The following GFRAL variants were observed in gnomAD, a reference collection of about 807,000 sequenced individuals.
The protein encoded by GFRAL is GDNF family receptor alpha-like.
In GFRAL, 36 loss-of-function variants were observed where a neutral mutation model predicts 45.4. The ratio of observed to expected loss-of-function variants is 0.79; its 90% confidence interval spans 0.61 to 1.05. The LOEUF (loss-of-function observed/expected upper bound fraction) is 1.05, where lower values mean the gene tolerates loss of function less well. GFRAL is among the 50% of genes least tolerant of loss of function. The pLI is 0.00. For synonymous variants in GFRAL, 166 were observed against 154.1 expected (o/e 1.08, Z -0.57); for missense variants, 507 against 467.5 (o/e 1.08, Z -0.78).
intron 6 of GFRAL, among the ~76,000 whole-genome samples, chr6:55,374,994 A>AT (rs1768504591): frequency 6.6e-6 from 1 of 151,962 alleles, no homozygotes. Flanking sequence ...GTATGTTCTT[A>AT]TACCAGTATC....
At chr6:55,371,616 T>C (rs1241151569) in intron 6 of GFRAL, among the ~76,000 whole-genome samples, 2 of 152,224 alleles carry the variant, frequency 1.3e-5, no homozygotes, top group African/African-American at 2.4e-5. Context: ...ATAAAGAAGT[T>C]ATCTTCTATT....
chr6:55,384,121 G>T (rs1229780208), intron 6 of GFRAL, among the ~76,000 whole-genome samples: 1 of 151,926 alleles, frequency 6.6e-6, no homozygotes, highest in East Asian at 1.9e-4. Flanking sequence ...GGGGCCTGTT[G>T]GGGGGTTGGG....
chr6:55,366,122 G>C (rs890815353), intron 6 of GFRAL, among the ~76,000 whole-genome samples: 3 of 151,924 alleles, frequency 2.0e-5, no homozygotes, highest in African/African-American at 7.3e-5. Flanking sequence ...TTCAGCTCCT[G>C]TTATTGGTCT....
intron 5 of GFRAL, among the ~76,000 whole-genome samples, chr6:55,356,558 C>A (rs985517982): frequency 6.6e-6 from 1 of 151,806 alleles, no homozygotes; most frequent in African/African-American, 2.4e-5. Flanking sequence ...TGTAATATTT[C>A]CTTTTTAATC....
intron 6 of GFRAL, among the ~76,000 whole-genome samples, chr6:55,369,684 T>C (rs1220379443): frequency 2.0e-5 from 1 of 49,332 alleles, no homozygotes; most frequent in African/African-American, 8.2e-5. Flanking sequence ...TTTTTAAATT[T>C]GGTAGACACT....
chr6:55,384,481 A>G (rs185424321), intron 6 of GFRAL, among the ~76,000 whole-genome samples: 9 of 152,168 alleles, frequency 5.9e-5, no homozygotes, highest in African/African-American at 2.4e-5. Context: ...TACTGTTTAC[A>G]TTTGATAACA....
chr6:55,400,531 A>G (rs1217854740), intron 8 of GFRAL, among the ~76,000 whole-genome samples: 4 of 152,166 alleles, frequency 2.6e-5, no homozygotes, highest in African/African-American at 9.6e-5. Flanking sequence ...GTACATACGG[A>G]CATCCTAATT....
chr6:55,387,120 A>C (rs1768690117), intron 6 of GFRAL, among the ~76,000 whole-genome samples: 2 of 152,194 alleles, frequency 1.3e-5, no homozygotes, highest in South Asian at 4.1e-4. Context: ...AAGATTAAAG[A>C]GTTGCCATTG....
intron 2 of GFRAL, among the ~76,000 whole-genome samples, chr6:55,333,509 C>T (rs915518759): frequency 1.3e-5 from 2 of 151,972 alleles, no homozygotes; most frequent in African/African-American, 4.8e-5. Context: ...TAAGAGTAGC[C>T]TTATTTTTAC....
At chr6:55,385,529 G>T (rs1376745031) in intron 6 of GFRAL, among the ~76,000 whole-genome samples, 1 of 151,950 alleles carries the variant, frequency 6.6e-6, no homozygotes, top group Non-Finnish European at 1.5e-5. Flanking sequence ...AGAAAACAGA[G>T]GCGACTAAAA....
chr6:55,369,121 C>T (rs985880890), intron 6 of GFRAL, among the ~76,000 whole-genome samples: 55 of 151,562 alleles, frequency 3.6e-4, no homozygotes, highest in African/African-American at 1.1e-3. Context: ...CCCTCCGAGC[C>T]AGGTGCTGGA....
At chr6:55,374,417 T>G (rs558849287) in intron 6 of GFRAL, among the ~76,000 whole-genome samples, 12 of 152,316 alleles carry the variant, frequency 7.9e-5, no homozygotes, top group Admixed American at 2.0e-4. Context: ...GTTGGCCACA[T>G]GAATGTCTTC....
chr6:55,339,241 G>A (rs924398019), intron 3 of GFRAL, among the ~76,000 whole-genome samples: 1 of 152,150 alleles, frequency 6.6e-6, no homozygotes, highest in Non-Finnish European at 1.5e-5. Flanking sequence ...ATGAAAAATT[G>A]TACAGGACTG....
chr6:55,398,734 T>C (rs4715541), intron 6 of GFRAL, among the ~76,000 whole-genome samples: 103,946 of 151,906 alleles, frequency 0.68, 35,965 homozygotes, highest in East Asian at 0.78. Flanking sequence ...CAGGAGAAAC[T>C]GAAGTTTTAG....
intron 3 of GFRAL, among the ~76,000 whole-genome samples, chr6:55,342,994 G>T (rs985330121): frequency 1.3e-5 from 2 of 152,112 alleles, no homozygotes; most frequent in African/African-American, 2.4e-5. Context: ...AAATATATAT[G>T]CACCCAATAC....
intron 3 of GFRAL, among the ~76,000 whole-genome samples, chr6:55,343,315 A>G (rs139768955): frequency 1.3e-5 from 2 of 152,360 alleles, no homozygotes; most frequent in Non-Finnish European, 2.9e-5. Flanking sequence ...AACACAAATT[A>G]TAACAAACTG....
chr6:55,375,702 C>T (rs1036457343), intron 6 of GFRAL, among the ~76,000 whole-genome samples: 1 of 152,084 alleles, frequency 6.6e-6, no homozygotes, highest in African/African-American at 2.4e-5. Context: ...TCACTTTGCA[C>T]ATTAATCTTA....
chr6:55,340,417 A>C (rs1452193783), intron 3 of GFRAL, among the ~76,000 whole-genome samples: 2 of 152,192 alleles, frequency 1.3e-5, no homozygotes, highest in Non-Finnish European at 2.9e-5. Context: ...TATAACGTAA[A>C]TATTTTTCAT....
intron 3 of GFRAL, among the ~76,000 whole-genome samples, chr6:55,346,095 A>G (rs566029566): frequency 1.3e-5 from 2 of 152,320 alleles, no homozygotes; most frequent in South Asian, 4.1e-4. Flanking sequence ...TGTTGGTGGG[A>G]CTGTAAACTA....
Sources: gnomAD v4.1 joint callset for allele counts (sites outside exome capture counted in the v4.1 genomes callset) on GRCh38, gnomAD v4.1.1 for gene constraint, MANE v1.5 for transcripts, NCBI Gene and HGNC (gene_info 2026-07-23, HGNC 2026-07-21) for gene names.